FAM163A: variants seen among roughly 807,000 people sequenced by gnomAD.
FAM163A encodes family with sequence similarity 163 member A.
Under a neutral mutation model 12.0 loss-of-function variants are expected in FAM163A, and 7 were observed. The ratio of observed to expected loss-of-function variants is 0.58; its 90% CI spans 0.33 to 1.10. The LOEUF (loss-of-function observed/expected upper bound fraction) is 1.10. Among genes scored for constraint, FAM163A ranks in the 50% least tolerant of loss-of-function variants. The probability of loss-of-function intolerance (pLI) is 0.03; values close to 1 mark genes in which losing one functional copy is unlikely to be tolerated. For missense variants in FAM163A, 202 were observed against 218.6 expected (o/e 0.92, Z 0.48); for synonymous variants, 101 against 91.0 (o/e 1.11, Z -0.62).
chr1:179,793,496 G>C (rs116191844), intron 1 of FAM163A, among the ~76,000 whole-genome samples: 2 of 152,194 alleles, frequency 1.3e-5, no homozygotes, highest in African/African-American at 2.4e-5. Context: ...TGAGAAAAGC[G>C]TACGTGCTCA....
the FAM163A span, among the ~76,000 whole-genome samples, chr1:179,734,443 C>T: frequency 6.6e-6 from 1 of 152,192 alleles, no homozygotes; most frequent in Non-Finnish European, 1.5e-5. Flanking sequence ...TCTGTTCAGG[C>T]TGCCATAATA....
chr1:179,799,116 CAAGTGAAACAAGTGTTTCACTGCTGAAAG>C (rs71571230), intron 1 of FAM163A, among the ~76,000 whole-genome samples: 5 of 149,566 alleles, frequency 3.3e-5, no homozygotes, highest in South Asian at 2.1e-4. Context: ...GAAAGTGAAA[CAAGTGAAACAAGTGTTTCACTGCTGAAAG>C]AAGTGAAACA....
At chr1:179,805,883 C>G (rs533118650) in intron 1 of FAM163A, among the ~76,000 whole-genome samples, 1 of 152,336 alleles carries the variant, frequency 6.6e-6, no homozygotes, top group South Asian at 2.1e-4. Context: ...AAGTTCCCTT[C>G]ACCCACTCAA....
chr1:179,798,624 C>A (rs1382502136), intron 1 of FAM163A, among the ~76,000 whole-genome samples: 1 of 152,216 alleles, frequency 6.6e-6, no homozygotes, highest in Non-Finnish European at 1.5e-5. Context: ...TTAAGGTCTC[C>A]TACCCCAGAA....
the FAM163A span, among the ~76,000 whole-genome samples, chr1:179,735,320 T>A: frequency 4.6e-5 from 7 of 152,088 alleles, no homozygotes; most frequent in African/African-American, 1.7e-4. Context: ...AAGTTACTAG[T>A]TTTAAGCCCC....
At position 179,813,087 on chromosome 1, in the gene FAM163A, G is replaced by GA. The variant is rs1694927169; in HGVS notation, c.-11_-10insA. On this transcript the variant is annotated 5_prime_UTR_variant, in exon 4 of 5. Coordinates refer to ENST00000341785, the MANE Select transcript of FAM163A (RefSeq NM_173509.3). Reference sequence around the variant, plus strand: ...GCACATCTTTGCAGAGTTTGATGGGGCGCCGGGCGGATGACAGCGGGAACG... The same window carrying GA: ...GCACATCTTTGCAGAGTTTGATGGGGACGCCGGGCGGATGACAGCGGGAACG... 3 of 1,551,664 alleles carry GA rather than the reference G, an allele frequency of 1.9e-6. No individual in the cohort carries two copies. Among genetic ancestry groups the GA allele is most frequent in the Admixed American group, 2.0e-5 (1 of 51,002 alleles).
At chr1:179,803,520 C>T (rs772915293) in intron 1 of FAM163A, among the ~76,000 whole-genome samples, 5 of 152,158 alleles carry the variant, frequency 3.3e-5, no homozygotes, top group Admixed American at 1.3e-4. Flanking sequence ...GCTTTTAGTG[C>T]CCAACTCCAG....
the FAM163A span, among the ~76,000 whole-genome samples, chr1:179,737,043 A>G: frequency 1.3e-5 from 2 of 152,212 alleles, no homozygotes; most frequent in African/African-American, 4.8e-5. Flanking sequence ...AGTATCTCAA[A>G]GAGATACCTG....
intron 1 of FAM163A, among the ~76,000 whole-genome samples, chr1:179,768,185 A>G (rs1277013620): frequency 1.3e-5 from 2 of 152,270 alleles, no homozygotes; most frequent in East Asian, 1.9e-4. Context: ...TTAAGGCTGC[A>G]TAATATTCCA....
chr1:179,782,921 C>A (rs6664505), intron 1 of FAM163A, among the ~76,000 whole-genome samples: 25,454 of 152,110 alleles, frequency 0.17, 2,276 homozygotes, highest in Non-Finnish European at 0.2. Context: ...GCATTTCCAG[C>A]AACTTGTATC....
At position 179,813,181 on chromosome 1, in the gene FAM163A, C is replaced by T; in HGVS notation, c.84C>T (p.Cys28=). ...GCATCATTGCCGTCCTGTGCTACTG[C>T]AGGCTCCAGGTCAGTCCCCGGGACC... ...LLCIIAVLCY[C]RLQYYCCKKS... The change falls in exon 4 of 5, where the codon TGC becomes TGT. Residue 28 remains cysteine, a synonymous_variant. Coordinates refer to ENST00000341785, the MANE Select transcript of FAM163A (RefSeq NM_173509.3). 1 of 1,551,782 alleles carries T rather than the reference C, an allele frequency of 6.4e-7. No individual in the cohort carries two copies.
chr1:179,743,003 C>T (rs1251336017), upstream of FAM163A, among the ~76,000 whole-genome samples: 1 of 152,258 alleles, frequency 6.6e-6, no homozygotes, highest in Non-Finnish European at 1.5e-5. Context: ...AATTTTCCGT[C>T]CTGGACCCGA....
chr1:179,728,205 T>G, the FAM163A span, among the ~76,000 whole-genome samples: 1 of 152,198 alleles, frequency 6.6e-6, no homozygotes, highest in Non-Finnish European at 1.5e-5. Flanking sequence ...TCAAAGTTCA[T>G]TTTTTCCTAA....
In FAM163A at chr1:179,795,651, A is replaced by G. The variant is rs1304845160; in HGVS notation, c.-135-12147A>G. Among the ~76,000 whole-genome samples the G allele has an allele frequency of 3.3e-5, 5 of 152,332 alleles. No individual in the cohort carries two copies. The South Asian group carries it at 6.2e-4, about 19-fold the overall frequency. On this transcript the variant is annotated intron_variant, in intron 1 of 4. Coordinates refer to ENST00000341785, the MANE Select transcript of FAM163A (RefSeq NM_173509.3). ...ATGACGTAGTCTCTTATATGCTGTT[A>G]TAACAGCAGAAAATAGGCTAAGACA...
chr1:179,768,957 C>T (rs1687890168), intron 1 of FAM163A, among the ~76,000 whole-genome samples: 1 of 151,950 alleles, frequency 6.6e-6, no homozygotes, highest in East Asian at 1.9e-4. Flanking sequence ...TGTTTCAGCG[C>T]ATTAATGGTA....
intron 1 of FAM163A, among the ~76,000 whole-genome samples, chr1:179,790,516 A>G (rs1447319843): frequency 1.3e-5 from 2 of 152,074 alleles, no homozygotes; most frequent in Non-Finnish European, 2.9e-5. Context: ...CCACCTGCAG[A>G]TACAGGCTGG....
At chr1:179,731,406 AAT>A in the FAM163A span, among the ~76,000 whole-genome samples, 5,166 of 152,326 alleles carry the variant, frequency 0.034, 293 homozygotes, top group African/African-American at 0.12. Context: ...CTCAGAGAGC[AAT>A]ACTGAATTCA....
the FAM163A span, among the ~76,000 whole-genome samples, chr1:179,736,349 A>G: frequency 6.6e-6 from 1 of 152,278 alleles, no homozygotes; most frequent in Admixed American, 6.5e-5. Context: ...AAAATAACCC[A>G]ACTAAAAATG....
the FAM163A span, among the ~76,000 whole-genome samples, chr1:179,731,387 T>C: frequency 1.5e-4 from 23 of 151,544 alleles, no homozygotes; most frequent in Non-Finnish European, 3.2e-4. Context: ...CCATTTCTGA[T>C]GTGAGAGCCT....
Sources: allele counts gnomAD v4.1 joint callset (sites outside exome capture counted in the v4.1 genomes callset), GRCh38; gene constraint gnomAD v4.1.1; transcripts MANE v1.5; gene names NCBI Gene and HGNC (gene_info 2026-07-23, HGNC 2026-07-21).